The following TPTE variants were observed in gnomAD, a reference collection of about 807,000 sequenced individuals.
TPTE encodes the protein transmembrane phosphatase with tensin homology.
In TPTE, 59 loss-of-function variants were observed where a neutral mutation model predicts 84.1. That is an observed-to-expected ratio of 0.70 (90% CI 0.57 to 0.87). The LOEUF (loss-of-function observed/expected upper bound fraction) is 0.87. Ranked by LOEUF, TPTE falls within the 40% of genes least tolerant of loss-of-function variation. TPTE has a pLI of 0.00. For missense variants in TPTE, 382 were observed against 659.6 expected (o/e 0.58, Z 4.61); for synonymous variants, 130 against 223.5 (o/e 0.58, Z 3.73).
rs1190365027 is a variant in TPTE, at chr21:10,585,766, C to T, written c.1028-4696C>T. Among the ~76,000 whole-genome samples the T allele has an allele frequency of 2.6e-5, 4 of 152,426 alleles. No homozygotes were observed. In the East Asian group the frequency reaches 5.8e-4, roughly 22 times the overall value. Reference sequence around the variant, plus strand: ...AAGTCTTTAAATTATGGCTCAATTCCCTATATAGAATGTTTTTATAATTTT... The same window carrying T: ...AAGTCTTTAAATTATGGCTCAATTCTCTATATAGAATGTTTTTATAATTTT... On this transcript the variant is annotated intron_variant, in intron 17 of 23. Transcript: ENST00000618007.
At chr21:10,545,783 G>A (rs1202034583) in intron 7 of TPTE, among the ~76,000 whole-genome samples, 2 of 151,736 alleles carry the variant, frequency 1.3e-5, no homozygotes, top group Admixed American at 6.6e-5. Flanking sequence ...CTATATACAT[G>A]TCTACATATG....
At chr21:10,589,479 G>A (rs1379328074) in intron 17 of TPTE, among the ~76,000 whole-genome samples, 1 of 151,930 alleles carries the variant, frequency 6.6e-6, no homozygotes, top group African/African-American at 2.4e-5. Context: ...CAGCCCTAGG[G>A]GTAGGGGGAT....
intron 2 of TPTE, among the ~76,000 whole-genome samples, chr21:10,525,990 A>G (rs1403656862): frequency 6.6e-6 from 1 of 152,306 alleles, no homozygotes; most frequent in African/African-American, 2.4e-5. Context: ...AAATCTAGTA[A>G]TCATTTAATA....
chr21:10,550,730 C>A (rs1424964956), intron 7 of TPTE, among the ~76,000 whole-genome samples: 1 of 152,310 alleles, frequency 6.6e-6, no homozygotes, highest in African/African-American at 2.4e-5. Context: ...GACTTAAACT[C>A]CACCATAGAC....
intron 17 of TPTE, among the ~76,000 whole-genome samples, chr21:10,587,318 A>G (rs1203374156): frequency 2.3e-3 from 342 of 151,778 alleles, no homozygotes; most frequent in African/African-American, 8.0e-3. Flanking sequence ...CGCATCACCC[A>G]GGTACTGAGC....
At chr21:10,560,793 A>G (rs528687138) in intron 9 of TPTE, among the ~76,000 whole-genome samples, 218 of 152,354 alleles carry the variant, frequency 1.4e-3, no homozygotes, top group African/African-American at 5.1e-3. Context: ...GTTTACTATA[A>G]TATCTTGTGA....
chr21:10,527,147 T>TCA (rs1208772992), intron 2 of TPTE, among the ~76,000 whole-genome samples: 9 of 149,278 alleles, frequency 6.0e-5, no homozygotes, highest in African/African-American at 1.8e-4. Flanking sequence ...TCTCTCTCTC[T>TCA]CTCTCTCTCT....
rs1455013840 is a variant in TPTE, at chr21:10,537,110, A to G, written c.-43-1571A>G. 8.5e-5 allele frequency among the ~76,000 whole-genome samples: 13 copies of G among 152,418 alleles called. No homozygotes were observed. The East Asian group carries it at 2.5e-3, about 29-fold the overall frequency. ...GCAAAAACAAGGCACTCATGAAGGG[A>G]TTTTAGTGTCAGGAAATGAGATGGG... On this transcript the variant is annotated intron_variant, in intron 3 of 23. Coordinates refer to ENST00000618007, the MANE Select transcript of TPTE (RefSeq NM_199261.4).
chr21:10,603,160 C>G (rs1459379820), intron 22 of TPTE, among the ~76,000 whole-genome samples: 1 of 152,272 alleles, frequency 6.6e-6, no homozygotes, highest in African/African-American at 2.4e-5. Flanking sequence ...CTTCTGATAT[C>G]AGAAAATCCA....
At position 10,590,491 on chromosome 21, in the gene TPTE, C is replaced by G. The variant is rs779650133; in HGVS notation, c.1057C>G (p.Leu353Val). ...DRTGTMVCAF[L>V]IASEICSTAK... ...AACAGGAACTATGGTTTGTGCCTTCCTTATTGCCTCTGAAATATGTTCAAC... is the reference window on the plus strand; with the variant it reads ...AACAGGAACTATGGTTTGTGCCTTCGTTATTGCCTCTGAAATATGTTCAAC... Residue 353 changes from leucine to valine, a missense_variant, in exon 18 of 24, where the codon CTT becomes GTT. By Grantham distance (32) the Leu-to-Val change is conservative (BLOSUM62 1). Around this residue, in one of 10 missense-constraint regions of TPTE, gnomAD observed 37 missense variants for 28.3 expected, o/e 1.31. Transcript: ENST00000618007. The G allele has an allele frequency of 6.2e-7, 1 of 1,614,116 alleles. No individual in the cohort carries two copies. Among genetic ancestry groups the G allele is most frequent in the Non-Finnish European group, 8.5e-7 (1 of 1,179,936 alleles).
At chr21:10,540,331 A>C (rs2074345946) in intron 4 of TPTE, among the ~76,000 whole-genome samples, 3 of 152,308 alleles carry the variant, frequency 2.0e-5, no homozygotes, top group Admixed American at 2.0e-4. Flanking sequence ...AGTTCCCTTG[A>C]AACTATTTCT....
intron 7 of TPTE, among the ~76,000 whole-genome samples, chr21:10,548,190 AAC>A (rs1177901244): frequency 6.6e-6 from 1 of 152,294 alleles, no homozygotes; most frequent in Non-Finnish European, 1.5e-5. Flanking sequence ...AGGGCCGAGA[AAC>A]AACCCTGGGA....
chr21:10,600,809 G>A (rs4913858), intron 21 of TPTE, among the ~76,000 whole-genome samples: 7 of 151,712 alleles, frequency 4.6e-5, no homozygotes, highest in Middle Eastern at 3.2e-3. Flanking sequence ...CTAGTACAGC[G>A]TCAAAGTCAT....
At chr21:10,527,722 A>G (rs1435251838) in intron 3 of TPTE, among the ~76,000 whole-genome samples, 1 of 152,306 alleles carries the variant, frequency 6.6e-6, no homozygotes, top group African/African-American at 2.4e-5. Context: ...AGGAGCCCTC[A>G]GCAGCAAGAA....
intron 10 of TPTE, among the ~76,000 whole-genome samples, chr21:10,563,427 A>G (rs2074848371): frequency 6.6e-6 from 1 of 152,312 alleles, no homozygotes; most frequent in African/African-American, 2.4e-5. Flanking sequence ...CTATGAGCCA[A>G]TGAAAAATAT....
At chr21:10,566,682 AC>A (rs1372073344) in intron 10 of TPTE, among the ~76,000 whole-genome samples, 1 of 152,426 alleles carries the variant, frequency 6.6e-6, no homozygotes, top group African/African-American at 2.4e-5. Flanking sequence ...CCATAAAAAA[AC>A]AATAAGAACC....
chr21:10,541,821 C>G (rs1203902134), intron 5 of TPTE, among the ~76,000 whole-genome samples: 1 of 152,308 alleles, frequency 6.6e-6, no homozygotes, highest in Admixed American at 6.5e-5. Flanking sequence ...GGTAGGAGTA[C>G]TTGGGGAACT....
intron 20 of TPTE, among the ~76,000 whole-genome samples, chr21:10,597,472 T>C (rs1465837744): frequency 6.6e-6 from 1 of 151,648 alleles, no homozygotes; most frequent in Non-Finnish European, 1.5e-5. Context: ...TGGAGTGCAG[T>C]GGTGTGATCT....
intron 7 of TPTE, among the ~76,000 whole-genome samples, chr21:10,545,635 T>TACACACACAC (rs3049867): frequency 9.6e-3 from 1,446 of 150,580 alleles, no homozygotes; most frequent in South Asian, 0.049. Flanking sequence ...AGGATCTATC[T>TACACACACAC]ACACACACAC....
Sources: allele counts gnomAD v4.1 joint callset (sites outside exome capture counted in the v4.1 genomes callset), GRCh38; gene constraint gnomAD v4.1.1; regional missense constraint gnomAD v4.1.1; transcripts MANE v1.5; gene names NCBI Gene and HGNC (gene_info 2026-07-23, HGNC 2026-07-21).